Variants in GPC5 observed in about 807,000 individuals in gnomAD.
GPC5 encodes the protein glypican-5.
GPC5 carries 47 observed loss-of-function variants against 53.9 expected under a neutral mutation model. The ratio of observed to expected loss-of-function variants is 0.87; its 90% CI spans 0.69 to 1.11. GPC5 has a LOEUF of 1.11. GPC5 is among the 50% of genes most tolerant of loss of function. GPC5 has a pLI of 0.00. For missense variants in GPC5, 748 were observed against 713.1 expected (o/e 1.05, Z -0.56); for synonymous variants, 286 against 263.3 (o/e 1.09, Z -0.84).
intron 1 of GPC5, among the ~76,000 whole-genome samples, chr13:91,446,234 T>C (rs1011698087): frequency 2.0e-5 from 3 of 152,180 alleles, no homozygotes; most frequent in African/African-American, 4.8e-5. Context: ...ATTGAAAATA[T>C]ACAGGCATGT....
intron 7 of GPC5, among the ~76,000 whole-genome samples, chr13:92,617,698 T>C (rs1884739597): frequency 6.6e-6 from 1 of 152,198 alleles, no homozygotes; most frequent in Non-Finnish European, 1.5e-5. Flanking sequence ...AAAATTTTAC[T>C]GTTATTTCAG....
intron 5 of GPC5, among the ~76,000 whole-genome samples, chr13:91,905,959 A>G (rs1178814580): frequency 6.6e-6 from 1 of 152,016 alleles, no homozygotes; most frequent in Non-Finnish European, 1.5e-5. Flanking sequence ...TATAGTGGTG[A>G]AGTCTGAGAT....
intron 7 of GPC5, among the ~76,000 whole-genome samples, chr13:92,807,214 G>C (rs1315364496): frequency 1.3e-5 from 2 of 152,008 alleles, no homozygotes; most frequent in Admixed American, 1.3e-4. Context: ...TTGTGCAACA[G>C]TGGAGAGCTT....
At chr13:92,677,700 C>T (rs1016654786) in intron 7 of GPC5, among the ~76,000 whole-genome samples, 2 of 152,270 alleles carry the variant, frequency 1.3e-5, no homozygotes, top group African/African-American at 2.4e-5. Context: ...TCATGGTCTG[C>T]GTCCTGGCTC....
intron 7 of GPC5, among the ~76,000 whole-genome samples, chr13:92,722,821 C>CA (rs1205248326): frequency 2.6e-5 from 4 of 151,498 alleles, no homozygotes; most frequent in African/African-American, 7.3e-5. Flanking sequence ...TTTTTATATA[C>CA]AAAAAAATGA....
At chr13:92,180,103 G>T (rs2042136060) in intron 7 of GPC5, among the ~76,000 whole-genome samples, 2 of 152,114 alleles carry the variant, frequency 1.3e-5, no homozygotes, top group South Asian at 2.1e-4. Context: ...TTCAAGGCAG[G>T]TCTTCTTAAT....
At chr13:92,815,902 A>C (rs1034710999) in intron 7 of GPC5, among the ~76,000 whole-genome samples, 2 of 152,004 alleles carry the variant, frequency 1.3e-5, no homozygotes, top group Non-Finnish European at 2.9e-5. Context: ...TGGAGATGGA[A>C]ATCAAGAATT....
At chr13:92,172,700 C>A (rs1035922180) in intron 7 of GPC5, among the ~76,000 whole-genome samples, 1 of 152,012 alleles carries the variant, frequency 6.6e-6, no homozygotes, top group East Asian at 1.9e-4. Flanking sequence ...AAGGAGAGTT[C>A]TTCTCATTAC....
intron 7 of GPC5, among the ~76,000 whole-genome samples, chr13:92,625,647 T>G (rs758017466): frequency 6.6e-6 from 1 of 152,204 alleles, no homozygotes; most frequent in African/African-American, 2.4e-5. Context: ...TGGGAGGATA[T>G]TCTTAGTGAA....
intron 7 of GPC5, among the ~76,000 whole-genome samples, chr13:92,776,512 A>T (rs1875812416): frequency 6.6e-6 from 1 of 152,218 alleles, no homozygotes; most frequent in South Asian, 2.1e-4. Context: ...ACACTCAGAG[A>T]TTCTGGGGAT....
At chr13:92,800,391 C>G (rs1241281603) in intron 7 of GPC5, among the ~76,000 whole-genome samples, 1 of 151,786 alleles carries the variant, frequency 6.6e-6, no homozygotes, top group Admixed American at 6.6e-5. Context: ...AAGTCAAACC[C>G]TAACTACACT....
intron 1 of GPC5, among the ~76,000 whole-genome samples, chr13:91,435,815 C>T (rs1464586510): frequency 1.3e-5 from 2 of 152,160 alleles, no homozygotes; most frequent in Non-Finnish European, 1.5e-5. Context: ...TCCATCTGGT[C>T]CTGGACTGTT....
At chr13:91,590,350 T>A (rs1300961883) in intron 2 of GPC5, among the ~76,000 whole-genome samples, 1 of 152,072 alleles carries the variant, frequency 6.6e-6, no homozygotes, top group Non-Finnish European at 1.5e-5. Context: ...ATTATTCCCC[T>A]CAATAACATT....
chr13:92,126,217 T>G (rs763386927), intron 6 of GPC5, among the ~76,000 whole-genome samples: 6 of 152,068 alleles, frequency 3.9e-5, no homozygotes, highest in Non-Finnish European at 8.8e-5. Flanking sequence ...ACTCCCAAAG[T>G]GCTGGGATTA....
chr13:91,765,184 A>G (rs747778404), intron 5 of GPC5, among the ~76,000 whole-genome samples: 11 of 152,228 alleles, frequency 7.2e-5, no homozygotes, highest in Non-Finnish European at 1.6e-4. Flanking sequence ...GCATAGGCCA[A>G]CTACCAGCCC....
intron 7 of GPC5, among the ~76,000 whole-genome samples, chr13:92,793,720 G>A (rs983349526): frequency 2.6e-5 from 4 of 152,122 alleles, no homozygotes; most frequent in African/African-American, 9.7e-5. Flanking sequence ...CGATCCCACA[G>A]AAATACAAAC....
chr13:91,787,825 G>A (rs2037902355), intron 5 of GPC5, among the ~76,000 whole-genome samples: 1 of 152,102 alleles, frequency 6.6e-6, no homozygotes, highest in Non-Finnish European at 1.5e-5. Context: ...ACAGAGAAAT[G>A]TTATTAACAT....
intron 7 of GPC5, among the ~76,000 whole-genome samples, chr13:92,408,027 C>A (rs1480666568): frequency 6.6e-6 from 1 of 152,170 alleles, no homozygotes; most frequent in Non-Finnish European, 1.5e-5. Flanking sequence ...TGATCCGTGG[C>A]CCATGGCCTG....
chr13:91,582,404 TCAAA>T (rs928962174), intron 2 of GPC5, among the ~76,000 whole-genome samples: 13 of 151,944 alleles, frequency 8.6e-5, no homozygotes, highest in Non-Finnish European at 1.3e-4. Flanking sequence ...CAGCTGGTAG[TCAAA>T]CAAACAAACA....
Sources: allele counts gnomAD v4.1 joint callset (sites outside exome capture counted in the v4.1 genomes callset), GRCh38; gene constraint gnomAD v4.1.1; transcripts MANE v1.5; gene names NCBI Gene and HGNC (gene_info 2026-07-23, HGNC 2026-07-21).